The following STXBP5L variants were observed in gnomAD, a reference collection of about 807,000 sequenced individuals.
The protein encoded by STXBP5L is syntaxin binding protein 5L.
A neutral mutation model predicts 144.5 loss-of-function variants in STXBP5L; 65 were observed. The ratio of observed to expected loss-of-function variants is 0.45; its 90% CI spans 0.37 to 0.55. The LOEUF (loss-of-function observed/expected upper bound fraction) is 0.55, where lower values mean the gene tolerates loss of function less well. Among genes scored for constraint, STXBP5L ranks in the 20% least tolerant of loss-of-function variants. The pLI is 0.00. For synonymous variants in STXBP5L, 505 were observed against 469.6 expected (o/e 1.08, Z -0.97); for missense variants, 1,298 against 1,405.5 (o/e 0.92, Z 1.22).
chr3:121,101,211 G>T (rs541305449), intron 5 of STXBP5L, among the ~76,000 whole-genome samples: 1 of 151,878 alleles, frequency 6.6e-6, no homozygotes, highest in Non-Finnish European at 1.5e-5. Context: ...CAAAATTCAG[G>T]GAAGAGGGAC....
At chr3:121,050,332 T>C (rs1947868072) in intron 5 of STXBP5L, among the ~76,000 whole-genome samples, 1 of 152,166 alleles carries the variant, frequency 6.6e-6, no homozygotes, top group South Asian at 2.1e-4. Flanking sequence ...ATTCTGGTTA[T>C]TTTAGTTTAA....
intron 5 of STXBP5L, among the ~76,000 whole-genome samples, chr3:121,068,532 A>T (rs866212366): frequency 6.6e-6 from 1 of 152,082 alleles, no homozygotes; most frequent in African/African-American, 2.4e-5. Flanking sequence ...GGATTTCAAC[A>T]TGAATCCTTC....
chr3:121,357,167 C>A, intron 20 of STXBP5L: 1 of 186,224 alleles, frequency 5.4e-6, no homozygotes. Context: ...ACTGGGCTCC[C>A]AAGCATGACC....
At chr3:121,203,507 G>A (rs555733321) in intron 9 of STXBP5L, among the ~76,000 whole-genome samples, 1 of 152,172 alleles carries the variant, frequency 6.6e-6, no homozygotes, top group Non-Finnish European at 1.5e-5. Context: ...ACACTACTCT[G>A]AATGTTAGGA....
chr3:121,148,204 A>T (rs2045791311), intron 7 of STXBP5L, among the ~76,000 whole-genome samples: 1 of 152,158 alleles, frequency 6.6e-6, no homozygotes, highest in Admixed American at 6.6e-5. Flanking sequence ...AATTTAGTAC[A>T]TTAACAAAAC....
intron 5 of STXBP5L, among the ~76,000 whole-genome samples, chr3:121,077,692 C>G (rs1324479466): frequency 1.3e-5 from 2 of 152,148 alleles, no homozygotes; most frequent in African/African-American, 4.8e-5. Context: ...TCTGTTTTGA[C>G]CGGGTGCTGA....
At chr3:121,297,313 A>C (rs1296220553) in intron 19 of STXBP5L, among the ~76,000 whole-genome samples, 3 of 152,100 alleles carry the variant, frequency 2.0e-5, no homozygotes, top group Non-Finnish European at 2.9e-5. Context: ...TACACAGATC[A>C]TACCATCAGA....
intron 3 of STXBP5L, among the ~76,000 whole-genome samples, chr3:120,973,516 G>T (rs943425987): frequency 2.6e-5 from 4 of 151,520 alleles, no homozygotes; most frequent in African/African-American, 9.7e-5. Flanking sequence ...AATATTTTCA[G>T]AATACTAACT....
chr3:121,050,749 A>G (rs9289156), intron 5 of STXBP5L, among the ~76,000 whole-genome samples: 32,451 of 152,088 alleles, frequency 0.21, 3,693 homozygotes, highest in Non-Finnish European at 0.26. Flanking sequence ...AACTTTCAAT[A>G]TAAATGGACT....
At chr3:121,275,208 C>A (rs1577349349) in intron 18 of STXBP5L, among the ~76,000 whole-genome samples, 2 of 152,094 alleles carry the variant, frequency 1.3e-5, no homozygotes, top group African/African-American at 4.8e-5. Flanking sequence ...TTTTTCAGAA[C>A]AATTTGGGCT....
chr3:121,002,109 A>G (rs1943829969), intron 3 of STXBP5L, among the ~76,000 whole-genome samples: 1 of 152,152 alleles, frequency 6.6e-6, no homozygotes, highest in Admixed American at 6.5e-5. Flanking sequence ...AGTATTTTTA[A>G]TTATTTGAGG....
At chr3:121,252,752 T>G (rs918013471) in intron 15 of STXBP5L, among the ~76,000 whole-genome samples, 15 of 152,224 alleles carry the variant, frequency 9.9e-5, no homozygotes, top group Non-Finnish European at 2.2e-4. Context: ...CAATACCCAT[T>G]TATCATCTCA....
At chr3:121,193,408 G>A (rs745537562) in intron 9 of STXBP5L, among the ~76,000 whole-genome samples, 1 of 145,098 alleles carries the variant, frequency 6.9e-6, no homozygotes, top group Non-Finnish European at 1.5e-5. Flanking sequence ...GTGGAAGACA[G>A]TGTGGTGATT....
At position 121,017,362 on chromosome 3, in the gene STXBP5L, C is replaced by T. The variant is rs1374131827; in HGVS notation, c.288-24338C>T. On this transcript the variant is annotated intron_variant, in intron 3 of 26. Transcript: ENST00000471454. ...TTAATTGTAAGGAACTAGATGCTTA[C>T]CTGCTAAGATCATGAACAAGGTAAG... is the stretch of plus-strand genomic sequence containing the variant. 2.6e-5 allele frequency among the ~76,000 whole-genome samples: 4 copies of T among 152,318 alleles called. No homozygotes were observed. In the East Asian group the frequency reaches 5.8e-4, roughly 22 times the overall value.
intron 3 of STXBP5L, among the ~76,000 whole-genome samples, chr3:121,010,616 T>C (rs970949994): frequency 6.6e-6 from 1 of 151,714 alleles, no homozygotes; most frequent in Non-Finnish European, 1.5e-5. Flanking sequence ...GTGTACAACT[T>C]TTGACTCTAC....
chr3:121,183,329 A>C (rs1223193197), intron 9 of STXBP5L, among the ~76,000 whole-genome samples: 3 of 152,230 alleles, frequency 2.0e-5, no homozygotes, highest in African/African-American at 2.4e-5. Context: ...AAGGCATCCA[A>C]ATTGGAAAAG....
intron 22 of STXBP5L, among the ~76,000 whole-genome samples, chr3:121,391,071 T>G (rs1351244986): frequency 6.6e-6 from 1 of 152,184 alleles, no homozygotes; most frequent in African/African-American, 2.4e-5. Context: ...TCTTGGAGGC[T>G]TTATTCATTT....
intron 5 of STXBP5L, among the ~76,000 whole-genome samples, chr3:121,052,462 A>T (rs549040460): frequency 1.3e-5 from 2 of 152,210 alleles, no homozygotes; most frequent in East Asian, 1.9e-4. Flanking sequence ...AATAAATGTA[A>T]TCCAGCATAT....
intron 23 of STXBP5L, among the ~76,000 whole-genome samples, chr3:121,412,364 C>G (rs1044917684): frequency 6.6e-6 from 1 of 152,204 alleles, no homozygotes; most frequent in Admixed American, 6.5e-5. Context: ...GAGCCTGAAT[C>G]TCTTCTAAAC....
Sources: gnomAD v4.1 joint callset for allele counts (sites outside exome capture counted in the v4.1 genomes callset) on GRCh38, gnomAD v4.1.1 for gene constraint, MANE v1.5 for transcripts, NCBI Gene and HGNC (gene_info 2026-07-23, HGNC 2026-07-21) for gene names.